PTPRD: variants seen among roughly 807,000 people sequenced by gnomAD.
The protein encoded by PTPRD is receptor-type tyrosine-protein phosphatase delta.
In PTPRD, 34 loss-of-function variants were observed where a neutral mutation model predicts 214.5. The ratio of observed to expected loss-of-function variants is 0.16; its 90% CI spans 0.12 to 0.21. The LOEUF is 0.21. Among genes scored for constraint, PTPRD ranks in the 10% least tolerant of loss-of-function variants. PTPRD has a pLI of 1.00. For synonymous variants in PTPRD, 1,128 were observed against 845.7 expected (o/e 1.33, Z -5.79); for missense variants, 2,545 against 2,398.7 (o/e 1.06, Z -1.27).
intron 5 of PTPRD, among the ~76,000 whole-genome samples, chr9:9,899,511 A>C (rs549326308): frequency 1.3e-5 from 2 of 152,244 alleles, no homozygotes; most frequent in Non-Finnish European, 2.9e-5. Flanking sequence ...ATCACCTCAC[A>C]CTGCTGTTAG....
At chr9:9,281,108 T>C (rs541737465) in intron 9 of PTPRD, among the ~76,000 whole-genome samples, 1 of 151,418 alleles carries the variant, frequency 6.6e-6, no homozygotes, top group Non-Finnish European at 1.5e-5. Flanking sequence ...ATAAATGGAC[T>C]CAAAAGCAAA....
intron 4 of PTPRD, among the ~76,000 whole-genome samples, chr9:10,016,170 T>A (rs1412468783): frequency 6.6e-6 from 1 of 152,174 alleles, no homozygotes; most frequent in East Asian, 1.9e-4. Context: ...GGTTTGTATA[T>A]GTACATTTGT....
At chr9:10,101,919 A>G (rs1007062928) in intron 3 of PTPRD, among the ~76,000 whole-genome samples, 1 of 151,596 alleles carries the variant, frequency 6.6e-6, no homozygotes, top group African/African-American at 2.4e-5. Context: ...ACATGTATTT[A>G]AGGATACACT....
intron 11 of PTPRD, among the ~76,000 whole-genome samples, chr9:8,823,519 G>A (rs988618209): frequency 3.9e-5 from 6 of 151,976 alleles, no homozygotes; most frequent in East Asian, 3.9e-4. Flanking sequence ...TGGTGGTGGC[G>A]CGTGCCTGTA....
At chr9:10,096,699 C>G (rs2098490492) in intron 3 of PTPRD, among the ~76,000 whole-genome samples, 1 of 152,006 alleles carries the variant, frequency 6.6e-6, no homozygotes, top group Non-Finnish European at 1.5e-5. Flanking sequence ...TGCCTGTTCA[C>G]TCTGATGGTA....
chr9:9,998,984 G>T, intron 4 of PTPRD, among the ~76,000 whole-genome samples: 1 of 152,104 alleles, frequency 6.6e-6, no homozygotes, highest in East Asian at 1.9e-4. Flanking sequence ...GCATTGCAGG[G>T]GACATCGAAA....
intron 26 of PTPRD, among the ~76,000 whole-genome samples, chr9:8,496,494 T>C (rs1248325976): frequency 6.6e-6 from 1 of 152,226 alleles, no homozygotes; most frequent in African/African-American, 2.4e-5. Context: ...CAGTGGCATA[T>C]ACATAACAGT....
At chr9:10,511,865 T>TGG (rs2048158675) in intron 2 of PTPRD, among the ~76,000 whole-genome samples, 3 of 84,152 alleles carry the variant, frequency 3.6e-5, no homozygotes, top group Admixed American at 1.1e-4. Context: ...TGTGTGTGTG[T>TGG]GTGTGTGTGT....
At chr9:9,983,142 C>G (rs748726325) in intron 4 of PTPRD, among the ~76,000 whole-genome samples, 1 of 151,712 alleles carries the variant, frequency 6.6e-6, no homozygotes, top group African/African-American at 2.4e-5. Flanking sequence ...TCAAATGTAC[C>G]GATGCTAGAC....
At chr9:9,881,270 T>C (rs2068596437) in intron 5 of PTPRD, among the ~76,000 whole-genome samples, 1 of 152,170 alleles carries the variant, frequency 6.6e-6, no homozygotes, top group Non-Finnish European at 1.5e-5. Flanking sequence ...TGGATACATA[T>C]CTACAACTTG....
intron 8 of PTPRD, among the ~76,000 whole-genome samples, chr9:9,565,614 G>C (rs1017515086): frequency 1.3e-5 from 2 of 151,752 alleles, no homozygotes; most frequent in African/African-American, 4.8e-5. Flanking sequence ...TAAAGAAAAT[G>C]CTACAAATAG....
chr9:8,774,557 G>A (rs376618581), intron 11 of PTPRD, among the ~76,000 whole-genome samples: 1 of 88,024 alleles, frequency 1.1e-5, no homozygotes, highest in Non-Finnish European at 2.2e-5. Context: ...TTTTTGAAAC[G>A]GAGTTTTGCT....
Position 10,612,850 on chromosome 9 carries a change from G to T in PTPRD, c.-870C>A, listed in dbSNP as rs1340803996. On this transcript the variant is annotated 5_prime_UTR_variant, in exon 1 of 46. Transcript: ENST00000381196. The stretch of plus-strand genomic sequence containing the variant: ...GGCTCCTCGGAGAAGCAGCCGAGAC[G>T]GCAAGGAGGAGGCGAGGCTCTGTCG... The T allele has an allele frequency of 3.3e-5, 5 of 152,244 alleles. No individual in the cohort carries two copies. The highest frequency in any genetic ancestry group is 7.2e-5 in the African/African-American group (3 of 41,570). The allele number at this position is 152,244 out of a possible 1,614,324, so 9.4% of individuals were successfully genotyped here.
At chr9:8,486,471 A>G (rs1554618539) in intron 27 of PTPRD, 122 bp from the exon 28 acceptor site, 1 of 878,234 alleles carries the variant, frequency 1.1e-6, no homozygotes, top group Non-Finnish European at 1.9e-6. Context: ...AAAACAAAAC[A>G]AAACAGGCAA....
chr9:10,403,227 A>AATAAATATATATATAT (rs2098301816), intron 2 of PTPRD, among the ~76,000 whole-genome samples: 1 of 59,882 alleles, frequency 1.7e-5, no homozygotes, highest in Non-Finnish European at 3.5e-5. Flanking sequence ...TGTGTGTGTA[A>AATAAATATATATATAT]ATATATATAT....
intron 11 of PTPRD, among the ~76,000 whole-genome samples, chr9:8,740,649 G>A (rs1178323960): frequency 1.3e-5 from 2 of 152,058 alleles, no homozygotes; most frequent in Non-Finnish European, 2.9e-5. Flanking sequence ...TATGAAACTT[G>A]TAACACCTCA....
intron 2 of PTPRD, among the ~76,000 whole-genome samples, chr9:10,387,267 T>A (rs924165917): frequency 1.3e-5 from 2 of 151,886 alleles, no homozygotes; most frequent in Non-Finnish European, 2.9e-5. Flanking sequence ...ATTTGTACAG[T>A]CTCCAATAAT....
chr9:9,993,384 C>T (rs2096015384), intron 4 of PTPRD, among the ~76,000 whole-genome samples: 1 of 152,016 alleles, frequency 6.6e-6, no homozygotes, highest in African/African-American at 2.4e-5. Flanking sequence ...TTGTAATAGG[C>T]ACAAACTGGA....
chr9:10,588,427 T>TATACACACACACACAC (rs1555573786), intron 2 of PTPRD, among the ~76,000 whole-genome samples: 1 of 146,610 alleles, frequency 6.8e-6, no homozygotes, highest in African/African-American at 2.5e-5. Flanking sequence ...TGGCTTATTG[T>TATACACACACACACAC]ACACACACAC....
Sources: allele counts gnomAD v4.1 joint callset (sites outside exome capture counted in the v4.1 genomes callset), GRCh38; gene constraint gnomAD v4.1.1; transcripts MANE v1.5; gene names NCBI Gene and HGNC (gene_info 2026-07-23, HGNC 2026-07-21).